Variants in CBLN1 observed in about 807,000 individuals in gnomAD.
CBLN1 encodes the protein cerebellin-1.
CBLN1 carries 5 observed loss-of-function variants against 15.9 expected under a neutral mutation model. The ratio of observed to expected loss-of-function variants is 0.31; its 90% CI spans 0.16 to 0.66. The LOEUF (loss-of-function observed/expected upper bound fraction) is 0.66. CBLN1 is among the 30% of genes least tolerant of loss of function. The pLI is 0.75. For missense variants in CBLN1, 164 were observed against 253.7 expected (o/e 0.65, Z 2.40); for synonymous variants, 90 against 107.6 (o/e 0.84, Z 1.01).
In CBLN1 at chr16:49,279,468, C is replaced by T. The variant is rs555038032; in HGVS notation, c.518G>A (p.Arg173Gln). 2 of 1,614,208 alleles carry T rather than the reference C, an allele frequency of 1.2e-6. No individual in the cohort carries two copies. The highest frequency in any genetic ancestry group is 1.3e-5 in the African/African-American group (1 of 75,040). ...CTTCCAGCCCCCCATCAAGTTTCCC[C>T]GCTCCAGCTTGAGGTATGCTCGGTC... The part of the protein sequence containing the change: ...KGDRAYLKLE[R>Q]GNLMGGWKYS... Residue 173 changes from arginine to glutamine, a missense_variant, in exon 3 of 3, where the codon CGG becomes CAG. Arg to Gln is a conservative substitution (Grantham distance 43, BLOSUM62 1). This residue lies in a region of CBLN1 where 29 missense variants were observed against 38.0 expected (regional missense o/e 0.76). Coordinates refer to ENST00000219197, the MANE Select transcript of CBLN1 (RefSeq NM_004352.4).
chr16:49,280,274 C>T (rs1162223368), intron 2 of CBLN1, among the ~76,000 whole-genome samples: 1 of 152,240 alleles, frequency 6.6e-6, no homozygotes, highest in Non-Finnish European at 1.5e-5. Flanking sequence ...GTGCGTCCCA[C>T]CTCTCTCGGC....
chr16:49,279,042 A>G lies in CBLN1; in HGVS notation c.*362T>C, dbSNP rs77591139. On this transcript the variant is annotated 3_prime_UTR_variant, in exon 3 of 3. Coordinates refer to ENST00000219197, the MANE Select transcript of CBLN1 (RefSeq NM_004352.4). ...GAAGGATTCAGAGGGGGCTAGGGAG[A>G]AAGATTTCAGATTATGTAGTGAAAT... 0.013 allele frequency: 3,048 copies of G among 243,180 alleles called. 33 individuals are homozygous for G. Among genetic ancestry groups the G allele is most frequent in the South Asian group, 0.018 (258 of 14,372 alleles). The allele number at this position is 243,180 out of a possible 1,614,324, so 15.1% of individuals were successfully genotyped here.
In CBLN1 at chr16:49,278,079, G is replaced by A. The variant is rs576005452; in HGVS notation, c.*1325C>T. ...CGGCGGGTGGACTCCGGATTCAGAG[G>A]CGGTGTATAAAACATACGCTGCTTC... On this transcript the variant is annotated 3_prime_UTR_variant, in exon 3 of 3. Coordinates refer to ENST00000219197, the MANE Select transcript of CBLN1 (RefSeq NM_004352.4). 2 of 152,374 alleles carry A rather than the reference G, an allele frequency of 1.3e-5. No homozygotes were observed. The highest frequency in any genetic ancestry group is 4.1e-4 in the South Asian group (2 of 4,826). 9.4% of individuals were successfully genotyped at this position (152,374 alleles called of 1,614,324 possible). A position where few individuals can be genotyped will look rare whatever the true frequency, so the allele number is the denominator to read the frequency against.
Position 49,281,242 on chromosome 16 carries a change from G to A in CBLN1, c.224C>T (p.Ser75Phe). Residue 75 changes from serine to phenylalanine, a missense_variant, in exon 1 of 3, where the codon TCC (serine) becomes TTC (phenylalanine). By Grantham distance (155) the Ser-to-Phe change is radical (BLOSUM62 -2). Around this residue, in one of 3 missense-constraint regions of CBLN1, gnomAD observed 127 missense variants for 179.7 expected, o/e 0.71. Coordinates refer to ENST00000219197, the MANE Select transcript of CBLN1 (RefSeq NM_004352.4). ...SAIRSTNHEP[S>F]EMSNRTMIIY... is the part of the protein sequence containing the mutation. ...GATCATGGTGCGATTACTCATCTCGGACGGCTCGTGGTTGGTGCTCCTGAT... is the reference window on the plus strand; with the variant it reads ...GATCATGGTGCGATTACTCATCTCGAACGGCTCGTGGTTGGTGCTCCTGAT... The A allele has an allele frequency of 5.0e-6, 8 of 1,614,100 alleles. No individual in the cohort carries two copies. Among genetic ancestry groups the A allele is most frequent in the Non-Finnish European group, 6.8e-6 (8 of 1,180,042 alleles).
intron 2 of CBLN1, 109 bp downstream of exon 2, chr16:49,280,814 G>C: frequency 3.2e-6 from 4 of 1,253,372 alleles, no homozygotes; most frequent in Non-Finnish European, 3.5e-6. Flanking sequence ...CAAGCAGCCC[G>C]AAGTACATGC....
rs2151232578 is a variant in CBLN1 at position 49,279,295 on chromosome 16, G to A, written c.*109C>T. On this transcript the variant is annotated 3_prime_UTR_variant, in exon 3 of 3. Transcript: ENST00000219197. Reference sequence around the variant, plus strand: ...TTACCCAGATACAGTTAGAGAACATGTAGGAAGTTTCAAGTCGTGCTGCTT... The same window carrying A: ...TTACCCAGATACAGTTAGAGAACATATAGGAAGTTTCAAGTCGTGCTGCTT... The A allele has an allele frequency of 3.1e-6, 3 of 974,336 alleles. No individual in the cohort carries two copies. The highest frequency in any genetic ancestry group is 3.0e-5 in the South Asian group (2 of 66,584). 60.4% of individuals were successfully genotyped at this position (974,336 alleles called of 1,614,324 possible). A position where few individuals can be genotyped will look rare whatever the true frequency, so the allele number is the denominator to read the frequency against.
At position 49,279,325 on chromosome 16, in the gene CBLN1, G is replaced by A; in HGVS notation, c.*79C>T. The A allele has an allele frequency of 7.5e-7, 1 of 1,325,610 alleles. No individual in the cohort carries two copies. Among genetic ancestry groups the A allele is most frequent in the Admixed American group, 1.7e-5 (1 of 57,310 alleles). The allele number at this position is 1,325,610 out of a possible 1,614,324, so 82.1% of individuals were successfully genotyped here. A position where few individuals can be genotyped will look rare whatever the true frequency, so the allele number is the denominator to read the frequency against. ...AAGTTTCAAGTCGTGCTGCTTTCTC[G>A]CCCTCTTAATTTCAGCCTCTTTCTC... On this transcript the variant is annotated 3_prime_UTR_variant, in exon 3 of 3. Coordinates refer to ENST00000219197, the MANE Select transcript of CBLN1 (RefSeq NM_004352.4).
rs550324645 is a variant in CBLN1, at chr16:49,281,544, G to A, written c.-79C>T. 5,662 of 990,326 alleles carry A rather than the reference G, an allele frequency of 5.7e-3. 24 individuals carry two copies. The highest frequency in any genetic ancestry group is 0.011 in the Admixed American group (193 of 17,700). The allele number at this position is 990,326 out of a possible 1,614,324, so 61.3% of individuals were successfully genotyped here. A position where few individuals can be genotyped will look rare whatever the true frequency, so the allele number is the denominator to read the frequency against. ...GCCCCCCCCGTCCCAGTCCCGCTCCGAAGCCCCCTCCTCAGCTCCGTGCGC... is the reference window on the plus strand; with the variant it reads ...GCCCCCCCCGTCCCAGTCCCGCTCCAAAGCCCCCTCCTCAGCTCCGTGCGC... On this transcript the variant is annotated 5_prime_UTR_variant, in exon 1 of 3. Transcript: ENST00000219197.
rs890491768 is a variant in CBLN1 at position 49,281,427 on chromosome 16, C to G, written c.39G>C (p.Ala13=). 1.9e-6 allele frequency: 3 copies of G among 1,595,704 alleles called. No homozygotes were observed. Among genetic ancestry groups the G allele is most frequent in the Non-Finnish European group, 2.5e-6 (3 of 1,177,384 alleles). Residue 13 remains alanine (A), a synonymous_variant, in exon 1 of 3, where the codon GCG becomes GCC. Transcript: ENST00000219197. The stretch of plus-strand genomic sequence containing the variant: ...GCCCGCGGGCCGGGCCCGCCAGCCA[C>G]GCAGCCCCCAGCAGCAGCAGCTCCA... The part of the protein sequence containing the change: ...GVLELLLLGA[A]WLAGPARGQN...
chr16:49,280,756 G>A (rs1461449482), intron 2 of CBLN1, among the ~76,000 whole-genome samples, 167 bp downstream of exon 2: 1 of 152,192 alleles, frequency 6.6e-6, no homozygotes, highest in Non-Finnish European at 1.5e-5. Flanking sequence ...AGGGAAAGCA[G>A]AGGACAGTTG....
Position 49,281,523 on chromosome 16 carries a change from C to G in CBLN1, c.-58G>C. On this transcript the variant is annotated 5_prime_UTR_variant, in exon 1 of 3. Coordinates refer to ENST00000219197, the MANE Select transcript of CBLN1 (RefSeq NM_004352.4). ...CCAGGGCTGCTCGCGCCAGCCGCCC[C>G]CCCCGTCCCAGTCCCGCTCCGAAGC... 8.2e-7 allele frequency: 1 copy of G among 1,226,918 alleles called. No homozygotes were observed. Among genetic ancestry groups the G allele is most frequent in the Non-Finnish European group, 1.0e-6 (1 of 956,324 alleles). The allele number at this position is 1,226,918 out of a possible 1,614,324, so 76.0% of individuals were successfully genotyped here. A position where few individuals can be genotyped will look rare whatever the true frequency, so the allele number is the denominator to read the frequency against.
intron 2 of CBLN1, among the ~76,000 whole-genome samples, chr16:49,280,326 G>A (rs1289512183): frequency 6.6e-6 from 1 of 152,202 alleles, no homozygotes; most frequent in East Asian, 1.9e-4. Flanking sequence ...CCGGAGAGCC[G>A]GCGAGTGATT....
At chr16:49,280,597 GC>G (rs1459697718) in intron 2 of CBLN1, among the ~76,000 whole-genome samples, 5 of 152,158 alleles carry the variant, frequency 3.3e-5, no homozygotes, top group Non-Finnish European at 7.4e-5. Context: ...GTCCGGGAAG[GC>G]TTCCCAAGCG....
In CBLN1 at chr16:49,278,530, T is replaced by C. The variant is rs1016711244; in HGVS notation, c.*874A>G. On this transcript the variant is annotated 3_prime_UTR_variant, in exon 3 of 3. Transcript: ENST00000219197. ...GAAAGCTGTTTCAGAAAAATAAAAGTCCCACTTCGACTTTATTAGATTAAA... is the reference window on the plus strand; with the variant it reads ...GAAAGCTGTTTCAGAAAAATAAAAGCCCCACTTCGACTTTATTAGATTAAA... 2.6e-5 allele frequency: 4 copies of C among 152,196 alleles called. No individual in the cohort carries two copies. Among genetic ancestry groups the C allele is most frequent in the Non-Finnish European group, 5.9e-5 (4 of 68,046 alleles). The allele number at this position is 152,196 out of a possible 1,614,324, so 9.4% of individuals were successfully genotyped here.
chr16:49,279,263 C>A lies in CBLN1; in HGVS notation c.*141G>T. The A allele has an allele frequency of 1.4e-6, 1 of 740,138 alleles. No homozygotes were observed. Among genetic ancestry groups the A allele is most frequent in the East Asian group, 2.7e-5 (1 of 37,102 alleles). 45.8% of individuals were successfully genotyped at this position (740,138 alleles called of 1,614,324 possible). On this transcript the variant is annotated 3_prime_UTR_variant, in exon 3 of 3. Coordinates refer to ENST00000219197, the MANE Select transcript of CBLN1 (RefSeq NM_004352.4). ...ACAAAGTTGTCCCACAGCTGGCGCG[C>A]ACCTTTTTACCCAGATACAGTTAGA... is the stretch of plus-strand genomic sequence containing the variant.
At position 49,279,277 on chromosome 16, in the gene CBLN1, G is replaced by T. The variant is rs1567332721; in HGVS notation, c.*127C>A. 2 of 829,898 alleles carry T rather than the reference G, an allele frequency of 2.4e-6. No homozygotes were observed. Among genetic ancestry groups the T allele is most frequent in the Non-Finnish European group, 3.9e-6 (2 of 518,878 alleles). The allele number at this position is 829,898 out of a possible 1,614,324, so 51.4% of individuals were successfully genotyped here. On this transcript the variant is annotated 3_prime_UTR_variant, in exon 3 of 3. Transcript: ENST00000219197. ...CAGCTGGCGCGCACCTTTTTACCCA[G>T]ATACAGTTAGAGAACATGTAGGAAG...
In CBLN1 at chr16:49,281,588, C is replaced by A; in HGVS notation, c.-123G>T. ...CGTGCGCAGCTCCGCCGCCGCCGCT[C>A]TGGACACTACACCTCTTCCTCGCAC... On this transcript the variant is annotated 5_prime_UTR_variant, in exon 1 of 3. Coordinates refer to ENST00000219197, the MANE Select transcript of CBLN1 (RefSeq NM_004352.4). The A allele has an allele frequency of 1.8e-6, 1 of 544,986 alleles. No individual in the cohort carries two copies. The highest frequency in any genetic ancestry group is 2.9e-6 in the Non-Finnish European group (1 of 349,836). 33.8% of individuals were successfully genotyped at this position (544,986 alleles called of 1,614,324 possible). A position where few individuals can be genotyped will look rare whatever the true frequency, so the allele number is the denominator to read the frequency against.
Position 49,281,634 on chromosome 16 carries a change from C to G in CBLN1, c.-169G>C, listed in dbSNP as rs2076929691. ...CGCACTCCGGGACTAGCGTCCCCTC[C>G]GCGACTAGCGTCCCCTCCGCGCTGT... is the stretch of plus-strand genomic sequence containing the variant. On this transcript the variant is annotated 5_prime_UTR_variant, in exon 1 of 3. Coordinates refer to ENST00000219197, the MANE Select transcript of CBLN1 (RefSeq NM_004352.4). 4.7e-6 allele frequency: 2 copies of G among 423,320 alleles called. No homozygotes were observed. Among genetic ancestry groups the G allele is most frequent in the Non-Finnish European group, 8.0e-6 (2 of 250,082 alleles). 26.2% of individuals were successfully genotyped at this position (423,320 alleles called of 1,614,324 possible).
chr16:49,281,326 G>C lies in CBLN1; in HGVS notation c.140C>G (p.Thr47Arg), dbSNP rs754899835. ...VCDSNPTSDP[T>R]GTALGISVRS... ...CACAGAGATGCCCAGGGCAGTGCCC[G>C]TGGGGTCGGACGTGGGGTTGGAGTC... Residue 47 changes from threonine (T) to arginine (R), a missense_variant, in exon 1 of 3, where the codon ACG (threonine) becomes AGG (arginine). By Grantham distance (71) the Thr-to-Arg change is moderately conservative. Coordinates refer to ENST00000219197, the MANE Select transcript of CBLN1 (RefSeq NM_004352.4). The C allele has an allele frequency of 1.9e-6, 3 of 1,613,102 alleles. No homozygotes were observed. Among genetic ancestry groups the C allele is most frequent in the Admixed American group, 3.3e-5 (2 of 60,034 alleles).
Sources: allele counts gnomAD v4.1 joint callset (sites outside exome capture counted in the v4.1 genomes callset), GRCh38; gene constraint gnomAD v4.1.1; regional missense constraint gnomAD v4.1.1; transcripts MANE v1.5; gene names NCBI Gene and HGNC (gene_info 2026-07-23, HGNC 2026-07-21).